The following PLD5 variants were observed in gnomAD, a reference collection of about 807,000 sequenced individuals.
PLD5 encodes phospholipase D family member 5.
PLD5 carries 36 observed loss-of-function variants against 61.1 expected under a neutral mutation model. The observed-to-expected ratio is 0.59, with a 90% CI of 0.45 to 0.78. The LOEUF (loss-of-function observed/expected upper bound fraction) is 0.78, where lower values mean the gene tolerates loss of function less well. Ranked by LOEUF, PLD5 falls within the 30% of genes least tolerant of loss-of-function variation. The pLI is 0.00. For missense variants in PLD5, 515 were observed against 644.4 expected (o/e 0.80, Z 2.17); for synonymous variants, 243 against 242.8 (o/e 1.00, Z -0.01).
At chr1:242,526,675 C>T (rs779598815), upstream of PLD5, among the ~76,000 whole-genome samples, 1 of 152,144 alleles carries the variant, frequency 6.6e-6, no homozygotes, top group Non-Finnish European at 1.5e-5. Context: ...CCGCCAGCCT[C>T]GGCGTCCCAA....
At chr1:242,150,900 G>A (rs1664879485) in intron 5 of PLD5, among the ~76,000 whole-genome samples, 1 of 151,540 alleles carries the variant, frequency 6.6e-6, no homozygotes. Context: ...CCTTCATTTA[G>A]ATTTAGTATA....
At chr1:242,177,315 A>T (rs1667219585) in intron 5 of PLD5, among the ~76,000 whole-genome samples, 1 of 152,180 alleles carries the variant, frequency 6.6e-6, no homozygotes, top group South Asian at 2.1e-4. Flanking sequence ...TAACACAGGA[A>T]CAGAAAACCA....
chr1:242,412,916 T>C (rs1363467532), intron 1 of PLD5, among the ~76,000 whole-genome samples: 1 of 152,206 alleles, frequency 6.6e-6, no homozygotes, highest in African/African-American at 2.4e-5. Context: ...GGCTGCACTG[T>C]CTTACGTTCC....
At chr1:242,379,469 G>A (rs542222261) in intron 1 of PLD5, among the ~76,000 whole-genome samples, 2 of 152,082 alleles carry the variant, frequency 1.3e-5, no homozygotes, top group Non-Finnish European at 2.9e-5. Context: ...CAGATCTAAG[G>A]AAGAAGGGAA....
chr1:242,427,760 T>C (rs912012728), intron 1 of PLD5, among the ~76,000 whole-genome samples: 2 of 152,204 alleles, frequency 1.3e-5, no homozygotes, highest in African/African-American at 2.4e-5. Flanking sequence ...GCAGAGAGCC[T>C]TTGAAAGATG....
chr1:242,086,605 T>C lies in PLD5; in HGVS notation c.*3249A>G, dbSNP rs1161766666. On this transcript the variant is annotated 3_prime_UTR_variant, in exon 10 of 10. Transcript: ENST00000536534. Reference sequence around the variant, plus strand: ...TTGGCGGGGGGGTGGATAAAGGTGATGGGGCTTGGGAAGAGAACAGGCAGC... The same window carrying C: ...TTGGCGGGGGGGTGGATAAAGGTGACGGGGCTTGGGAAGAGAACAGGCAGC... 1.3e-5 allele frequency: 2 copies of C among 152,092 alleles called. No homozygotes were observed. 9.4% of individuals were successfully genotyped at this position (152,092 alleles called of 1,614,324 possible). A position where few individuals can be genotyped will look rare whatever the true frequency, so the allele number is the denominator to read the frequency against.
intron 3 of PLD5, among the ~76,000 whole-genome samples, chr1:242,286,386 G>A (rs991471786): frequency 1.3e-5 from 2 of 152,088 alleles, no homozygotes; most frequent in African/African-American, 2.4e-5. Flanking sequence ...GTAAGGGATC[G>A]CTGACCTGTC....
At chr1:242,093,987 T>C (rs183723321) in intron 9 of PLD5, among the ~76,000 whole-genome samples, 1 of 140,144 alleles carries the variant, frequency 7.1e-6, no homozygotes, top group African/African-American at 2.7e-5. Context: ...CTGGAAAGCT[T>C]TCCACAGGCC....
chr1:242,373,244 A>C (rs1480556070), intron 1 of PLD5, among the ~76,000 whole-genome samples: 2 of 152,184 alleles, frequency 1.3e-5, no homozygotes, highest in Admixed American at 1.3e-4. Context: ...TCAAAACCAC[A>C]ATGAGATACC....
At chr1:242,458,416 A>C (rs898155828) in intron 1 of PLD5, among the ~76,000 whole-genome samples, 1 of 152,190 alleles carries the variant, frequency 6.6e-6, no homozygotes, top group African/African-American at 2.4e-5. Context: ...ACCCTCCCCT[A>C]TTATATTGTA....
At chr1:242,241,048 A>C (rs1671968221) in intron 4 of PLD5, among the ~76,000 whole-genome samples, 1 of 152,250 alleles carries the variant, frequency 6.6e-6, no homozygotes, top group Non-Finnish European at 1.5e-5. Flanking sequence ...CGTTGGCCTC[A>C]TTAAAAAAGG....
intron 5 of PLD5, among the ~76,000 whole-genome samples, chr1:242,139,348 A>T (rs1663988985): frequency 1.3e-5 from 2 of 152,132 alleles, no homozygotes; most frequent in Admixed American, 1.3e-4. Context: ...CAATTCAGAA[A>T]ATAAATTTCT....
chr1:242,401,671 T>G (rs1285039364), intron 1 of PLD5, among the ~76,000 whole-genome samples: 1 of 152,182 alleles, frequency 6.6e-6, no homozygotes, highest in African/African-American at 2.4e-5. Context: ...ACCCTCACAC[T>G]TCACTGTTCT....
chr1:242,089,713 ATT>A lies in PLD5; in HGVS notation c.*139_*140del. On this transcript the variant is annotated 3_prime_UTR_variant, in exon 10 of 10. Coordinates refer to ENST00000536534, the MANE Select transcript of PLD5 (RefSeq NM_001372062.1). ...GACGCTAAGATATTGTTAGATAGGT[ATT>A]ATGTGTTGTTCAGAGAATATTTTTT... 1 of 1,041,690 alleles carries A rather than the reference ATT, an allele frequency of 9.6e-7. No homozygotes were observed. The highest frequency in any genetic ancestry group is 2.3e-5 in the Admixed American group (1 of 43,726). The allele number at this position is 1,041,690 out of a possible 1,614,324, so 64.5% of individuals were successfully genotyped here.
rs577913159 is a variant in PLD5 at position 242,438,265 on chromosome 1, T to A, written c.189+85823A>T. Among the ~76,000 whole-genome samples the A allele has an allele frequency of 1.7e-3, 212 of 123,562 alleles. 3 individuals are homozygous for A. The highest frequency in any genetic ancestry group is 5.1e-3 in the African/African-American group (169 of 33,120). 81.1% of individuals were successfully genotyped at this position (123,562 alleles called of 152,430 possible). A position where few individuals can be genotyped will look rare whatever the true frequency, so the allele number is the denominator to read the frequency against. On this transcript the variant is annotated intron_variant, in intron 1 of 9. Coordinates refer to ENST00000536534, the MANE Select transcript of PLD5 (RefSeq NM_001372062.1). Reference sequence around the variant, plus strand: ...GTTGCTTGCACATTAGAAAAAAAAATTTTTTTTTTTTTTTTTGAGATGGAG... The same window carrying A: ...GTTGCTTGCACATTAGAAAAAAAAAATTTTTTTTTTTTTTTTGAGATGGAG...
intron 3 of PLD5, among the ~76,000 whole-genome samples, chr1:242,280,685 C>A (rs1674673409): frequency 1.3e-5 from 2 of 152,160 alleles, no homozygotes; most frequent in South Asian, 2.1e-4. Flanking sequence ...CTATGCCAAT[C>A]TTTTTCCAGG....
At chr1:242,164,127 A>G (rs569774528) in intron 5 of PLD5, among the ~76,000 whole-genome samples, 8 of 152,018 alleles carry the variant, frequency 5.3e-5, no homozygotes, top group African/African-American at 1.9e-4. Flanking sequence ...AAGGAAGTCA[A>G]ACTCCTAATA....
intron 6 of PLD5, among the ~76,000 whole-genome samples, chr1:242,122,252 ACT>A (rs960118530): frequency 4.6e-5 from 7 of 152,024 alleles, no homozygotes; most frequent in African/African-American, 1.7e-4. Flanking sequence ...GCCTGAGACC[ACT>A]CTCTCTGGGA....
Position 242,315,648 on chromosome 1 carries a change from C to CT in PLD5, c.327-27119dup, listed in dbSNP as rs541157480. Among the ~76,000 whole-genome samples the CT allele has an allele frequency of 1.6e-3, 241 of 149,712 alleles. 1 individual carries two copies. The highest frequency in any genetic ancestry group is 2.8e-3 in the Non-Finnish European group (187 of 67,262). On this transcript the variant is annotated intron_variant, in intron 2 of 9. Coordinates refer to ENST00000536534, the MANE Select transcript of PLD5 (RefSeq NM_001372062.1). Reference sequence around the variant, plus strand: ...GCCTTGACAACTTACTGGAGGATAACTTTTTTTTTTAAGAAAAGGGATCTT... The same window carrying CT: ...GCCTTGACAACTTACTGGAGGATAACTTTTTTTTTTTAAGAAAAGGGATCTT...
Sources: allele counts gnomAD v4.1 joint callset (sites outside exome capture counted in the v4.1 genomes callset), GRCh38; gene constraint gnomAD v4.1.1; transcripts MANE v1.5; gene names NCBI Gene and HGNC (gene_info 2026-07-23, HGNC 2026-07-21).